CYP4F12: variants seen among roughly 807,000 people sequenced by gnomAD.
CYP4F12 encodes cytochrome P450 4F12.
A neutral mutation model predicts 56.5 loss-of-function variants in CYP4F12; 60 were observed. The observed-to-expected ratio is 1.06, with a 90% confidence interval of 0.86 to 1.32. CYP4F12 has a LOEUF of 1.32. Among genes scored for constraint, CYP4F12 ranks in the 40% most tolerant of loss-of-function variants. The pLI, the probability that CYP4F12 is intolerant of heterozygous loss-of-function variation, is 0.00. For synonymous variants in CYP4F12, 263 were observed against 264.9 expected (o/e 0.99, Z 0.07); for missense variants, 711 against 683.5 (o/e 1.04, Z -0.45).
chr19:15,689,143 A>ATCATCATCATCATC (rs2007756995), intron 9 of CYP4F12, among the ~76,000 whole-genome samples: 1 of 150,688 alleles, frequency 6.6e-6, no homozygotes, highest in Non-Finnish European at 1.5e-5. Context: ...TAATAATAAT[A>ATCATCATCATCATC]ATAGCCGACT....
intron 9 of CYP4F12, 64 bp from the exon 10 acceptor site, chr19:15,695,872 A>G: frequency 6.5e-7 from 1 of 1,538,160 alleles, no homozygotes; most frequent in Non-Finnish European, 8.7e-7. Context: ...ATTTGCAAAT[A>G]GAAAAGGTGG....
Position 15,697,017 on chromosome 19 carries a change from G to C in CYP4F12, c.1507G>C (p.Glu503Gln). The change falls in exon 13 of 13, where the codon GAA (glutamate) becomes CAA (glutamine). Residue 503 changes from glutamate to glutamine, a missense_variant. Coordinates refer to ENST00000550308, the MANE Select transcript of CYP4F12 (RefSeq NM_023944.4). ...CCACACTGAGCCCCGCAGGAAGCTGGAATTGATCATGCGCGCCGAGGGCGG... is the reference window on the plus strand; with the variant it reads ...CCACACTGAGCCCCGCAGGAAGCTGCAATTGATCATGCGCGCCGAGGGCGG... Reference protein sequence around the residue: ...PDHTEPRRKLELIMRAEGGLW... With the variant: ...PDHTEPRRKLQLIMRAEGGLW... 5 of 1,614,256 alleles carry C rather than the reference G, an allele frequency of 3.1e-6. No homozygotes were observed. Among genetic ancestry groups the C allele is most frequent in the Non-Finnish European group, 4.2e-6 (5 of 1,180,028 alleles).
intron 2 of CYP4F12, among the ~76,000 whole-genome samples, chr19:15,674,689 C>CACTCACTCATTCCTCTT (rs71176764): frequency 1.5e-5 from 2 of 135,374 alleles, no homozygotes; most frequent in Non-Finnish European, 3.3e-5. Flanking sequence ...TCATTCCTCT[C>CACTCACTCATTCCTCTT]CTCATTCACT....
At chr19:15,684,739 C>A in intron 7 of CYP4F12, 77 bp from the exon 8 acceptor site, 2 of 1,427,546 alleles carry the variant, frequency 1.4e-6, no homozygotes, top group South Asian at 1.2e-5. Flanking sequence ...ACTCCGGAGT[C>A]TCAGAGATAG....
At chr19:15,680,632 C>A in intron 5 of CYP4F12, 113 bp downstream of exon 5, 1 of 1,377,740 alleles carries the variant, frequency 7.3e-7, no homozygotes, top group Non-Finnish European at 1.0e-6. Flanking sequence ...TGCTCTTCCT[C>A]TCTGAGCCTT....
intron 6 of CYP4F12, among the ~76,000 whole-genome samples, chr19:15,683,147 G>T (rs1048839062): frequency 1.4e-4 from 21 of 152,134 alleles, no homozygotes; most frequent in African/African-American, 5.1e-4. Context: ...GGCTGGAGCA[G>T]GGCTGAACTG....
rs377249673 is a variant in CYP4F12 at position 15,696,438 on chromosome 19, C to G, written c.1323C>G (p.Asp441Glu). The G allele has an allele frequency of 1.2e-4, 192 of 1,614,084 alleles. 1 individual carries two copies. The highest frequency in any genetic ancestry group is 3.3e-4 in the Middle Eastern group (2 of 6,084). The change falls in exon 12 of 13, where the codon GAC (aspartate) becomes GAG (glutamate). Residue 441 changes from aspartate to glutamate, a missense_variant. Physicochemically the swap from Asp to Glu is conservative, Grantham distance 45. Coordinates refer to ENST00000550308, the MANE Select transcript of CYP4F12 (RefSeq NM_023944.4). ...PTVWPDPEVY[D>E]PFRFDPENSK... ...CTTTGTCTCACCTGCAGGTCTACGA[C>G]CCCTTCCGCTTTGACCCAGAGAACA...
chr19:15,687,897 C>T (rs1456460331), intron 9 of CYP4F12, among the ~76,000 whole-genome samples: 1 of 152,168 alleles, frequency 6.6e-6, no homozygotes, highest in Admixed American at 6.5e-5. Context: ...ACAACTAGCT[C>T]AGGTGAGGTC....
intron 6 of CYP4F12, among the ~76,000 whole-genome samples, chr19:15,683,033 A>G (rs112824062): frequency 0.024 from 3,652 of 151,936 alleles, 39 homozygotes; most frequent in African/African-American, 0.085. Flanking sequence ...CACTGTGCCC[A>G]GCTGCTTCTT....
intron 9 of CYP4F12, among the ~76,000 whole-genome samples, chr19:15,692,917 T>TA (rs10719216): frequency 0.28 from 41,989 of 149,794 alleles, 6,674 homozygotes; most frequent in East Asian, 0.69. Context: ...CTACTAAAAA[T>TA]AAAAAAAAAA....
chr19:15,678,420 C>G lies in CYP4F12; in HGVS notation c.343+15C>G. The stretch of plus-strand genomic sequence containing the variant: ...CAATGCCTCAGGTACCCATGCAGAG[C>G]TTGTGGTGGTGGGTGCCAGACCAAG... On this transcript the variant is annotated intron_variant, in intron 3 of 12. Transcript: ENST00000550308. 6.2e-7 allele frequency: 1 copy of G among 1,613,966 alleles called. No homozygotes were observed. The highest frequency in any genetic ancestry group is 1.3e-5 in the African/African-American group (1 of 75,042).
intron 9 of CYP4F12, among the ~76,000 whole-genome samples, chr19:15,694,664 A>G (rs2008037128): frequency 6.6e-6 from 1 of 152,196 alleles, no homozygotes; most frequent in African/African-American, 2.4e-5. Flanking sequence ...TTCTTTTCCT[A>G]ATTGAATAAC....
Position 15,695,940 on chromosome 19 carries a change from G to C in CYP4F12, c.1120G>C (p.Asp374His). The change falls in exon 10 of 13, where the codon GAC (aspartate) becomes CAC (histidine). Residue 374 changes from aspartate to histidine, a missense_variant. Asp to His is a moderately conservative substitution (Grantham distance 81, BLOSUM62 -1). Coordinates refer to ENST00000550308, the MANE Select transcript of CYP4F12 (RefSeq NM_023944.4). The part of the protein sequence containing the change: ...DRDPKEIEWD[D>H]LAQLPFLTMC... ...GGGGCTGGGGTGTTTCCTTAGGGAC[G>C]ACCTGGCCCAGCTGCCCTTCCTGAC... 1 of 1,612,420 alleles carries C rather than the reference G, an allele frequency of 6.2e-7. No homozygotes were observed. Among genetic ancestry groups the C allele is most frequent in the Non-Finnish European group, 8.5e-7 (1 of 1,179,474 alleles).
chr19:15,694,484 T>G (rs1345214623), intron 9 of CYP4F12, among the ~76,000 whole-genome samples: 1 of 136,496 alleles, frequency 7.3e-6, no homozygotes, highest in Non-Finnish European at 1.6e-5. Context: ...GATTTGGCTC[T>G]CTGTTTGTCT....
rs769863441 is a variant in CYP4F12 at position 15,696,937 on chromosome 19, C to T, written c.1427C>T (p.Ala476Val). The change falls in exon 13 of 13, where the codon GCG becomes GTG. Residue 476 changes from alanine to valine, a missense_variant. Physicochemically the swap from Ala to Val is moderately conservative, Grantham distance 64. Coordinates refer to ENST00000550308, the MANE Select transcript of CYP4F12 (RefSeq NM_023944.4). ...RNCIGQAFAM[A>V]EMKVVLALML... The stretch of plus-strand genomic sequence containing the variant: ...TGCATCGGGCAGGCGTTCGCCATGG[C>T]GGAGATGAAAGTGGTCCTGGCGTTG... 8 of 1,613,722 alleles carry T rather than the reference C, an allele frequency of 5.0e-6. No homozygotes were observed. The African/African-American group carries it at 6.7e-5, about 13-fold the overall frequency.
rs754744672 is a variant in CYP4F12, at chr19:15,673,488, T to C, written c.-1-41T>C. The C allele has an allele frequency of 2.0e-5, 32 of 1,567,936 alleles. 1 individual carries two copies. Among genetic ancestry groups the C allele is most frequent in the Non-Finnish European group, 2.8e-5 (32 of 1,148,970 alleles). ...ATACACTGTCCCCGGAGCTCTTCCCTGGGCCTCAGGTCCTCACCCTGCATC... is the reference window on the plus strand; with the variant it reads ...ATACACTGTCCCCGGAGCTCTTCCCCGGGCCTCAGGTCCTCACCCTGCATC... On this transcript the variant is annotated intron_variant, in intron 1 of 12. Coordinates refer to ENST00000550308, the MANE Select transcript of CYP4F12 (RefSeq NM_023944.4).
At position 15,683,406 on chromosome 19, in the gene CYP4F12, G is replaced by A; in HGVS notation, c.648-87G>A. ...TTCTAGATACTCAGTTTCCTGATGG[G>A]AGGTAGCTCCTGGCTGCTGGTGGGA... is the stretch of plus-strand genomic sequence containing the variant. On this transcript the variant is annotated intron_variant, in intron 6 of 12. Coordinates refer to ENST00000550308, the MANE Select transcript of CYP4F12 (RefSeq NM_023944.4). 2.1e-6 allele frequency: 3 copies of A among 1,406,908 alleles called. No homozygotes were observed. The South Asian group carries it at 4.2e-5, about 20-fold the overall frequency. 87.2% of individuals were successfully genotyped at this position (1,406,908 alleles called of 1,614,324 possible).
At chr19:15,685,941 T>G (rs2007581182) in intron 9 of CYP4F12, among the ~76,000 whole-genome samples, 2 of 152,140 alleles carry the variant, frequency 1.3e-5, no homozygotes, top group South Asian at 4.1e-4. Flanking sequence ...CCATTCAGTC[T>G]TCATTCAGCA....
rs375594895 is a variant in CYP4F12 at position 15,680,388 on chromosome 19, C to A, written c.398-4C>A. ...TTGCCCACTGTCCTTGGCTGCCCTACTAGGAGAAGGGATACTGCTGAGTGG... is the reference window on the plus strand; with the variant it reads ...TTGCCCACTGTCCTTGGCTGCCCTAATAGGAGAAGGGATACTGCTGAGTGG... On this transcript the variant is annotated splice_region_variant and splice_polypyrimidine_tract_variant and intron_variant, in intron 4 of 12. Transcript: ENST00000550308. The A allele has an allele frequency of 1.9e-6, 3 of 1,614,040 alleles. No individual in the cohort carries two copies. The African/African-American group carries it at 4.0e-5, about 22-fold the overall frequency.
Sources: gnomAD v4.1 joint callset for allele counts (sites outside exome capture counted in the v4.1 genomes callset) on GRCh38, gnomAD v4.1.1 for gene constraint, MANE v1.5 for transcripts, NCBI Gene and HGNC (gene_info 2026-07-23, HGNC 2026-07-21) for gene names.